The following SLC45A4 variants were observed in gnomAD, a reference collection of about 807,000 sequenced individuals.
SLC45A4 encodes polyamine-transporter SLC45A4.
A neutral mutation model predicts 63.7 loss-of-function variants in SLC45A4; 32 were observed. The ratio of observed to expected loss-of-function variants is 0.50; its 90% CI spans 0.38 to 0.67. The LOEUF (loss-of-function observed/expected upper bound fraction) is 0.67. Ranked by LOEUF, SLC45A4 falls within the 30% of genes least tolerant of loss-of-function variation. SLC45A4 has a pLI of 0.00. For missense variants in SLC45A4, 1,027 were observed against 1,157.7 expected, an observed-to-expected ratio of 0.89 and a Z score of 1.64; for synonymous variants, 535 against 510.0, an observed-to-expected ratio of 1.05 and a Z score of -0.66.
intron 3 of SLC45A4, 55 bp from the exon 4 acceptor site, chr8:141,219,884 C>T: frequency 1.4e-6 from 2 of 1,461,972 alleles, no homozygotes; most frequent in Non-Finnish European, 1.8e-6. Flanking sequence ...CCAGGGTGGG[C>T]CTGATAGCAA....
In SLC45A4 at chr8:141,253,222, T is replaced by G. The variant is rs541281432; in HGVS notation, c.241+767A>C. 1.2e-4 allele frequency: 18 copies of G among 155,512 alleles called. 1 individual carries two copies. Among genetic ancestry groups the G allele is most frequent in the African/African-American group, 4.2e-4 (17 of 40,500 alleles). 9.6% of individuals were successfully genotyped at this position (155,512 alleles called of 1,614,324 possible). On this transcript the variant is annotated intron_variant, in intron 2 of 8. Coordinates refer to ENST00000517878, the MANE Select transcript of SLC45A4 (RefSeq NM_001286646.2). ...TTCCGTGTTTTCATGCCCACCTGCG[T>G]GTCTGTGAATTTCCGTGTTTTCATG...
intron 6 of SLC45A4, 37 bp downstream of exon 6, chr8:141,217,052 TG>T (rs1826196694): frequency 6.3e-7 from 1 of 1,596,260 alleles, no homozygotes. Flanking sequence ...CTGAGTTTTC[TG>T]GGGTGCGAGT....
At chr8:141,242,434 A>G (rs974926275) in intron 2 of SLC45A4, among the ~76,000 whole-genome samples, 3 of 152,218 alleles carry the variant, frequency 2.0e-5, no homozygotes, top group African/African-American at 7.2e-5. Context: ...TTGTTTTCCC[A>G]CAGAGGATGT....
rs368724514 is a variant in SLC45A4, at chr8:141,237,279, C to T, written c.242-15514G>A. 2.0e-3 allele frequency among the ~76,000 whole-genome samples: 310 copies of T among 152,260 alleles called. 1 individual carries two copies. The highest frequency in any genetic ancestry group is 7.1e-3 in the African/African-American group (296 of 41,558). The stretch of plus-strand genomic sequence containing the variant: ...ACGTAAGGCCTCCTGTGATGTCGTC[C>T]TTCCCTGCCTGAAACACCACTCTGC... On this transcript the variant is annotated intron_variant, in intron 2 of 8. Coordinates refer to ENST00000517878, the MANE Select transcript of SLC45A4 (RefSeq NM_001286646.2).
At chr8:141,290,561 C>T (rs1830308232) in intron 1 of SLC45A4, among the ~76,000 whole-genome samples, 1 of 152,336 alleles carries the variant, frequency 6.6e-6, no homozygotes, top group Non-Finnish European at 1.5e-5. Context: ...TCTGCAAATT[C>T]GGCCAGTTTC....
Position 141,306,208 on chromosome 8 carries a change from A to G in SLC45A4, c.-401+1888T>C, listed in dbSNP as rs4961358. On this transcript the variant is annotated intron_variant, in intron 1 of 8. Transcript: ENST00000517878. Reference sequence around the variant, plus strand: ...GGAGGTGGCCCTGGGCAGCCTCCCCACTCCCCGCCCTGTGAACACCTGGGC... The same window carrying G: ...GGAGGTGGCCCTGGGCAGCCTCCCCGCTCCCCGCCCTGTGAACACCTGGGC... Among the ~76,000 whole-genome samples the G allele has an allele frequency of 2.5e-3, 387 of 152,296 alleles. 15 individuals are homozygous for G. The highest frequency in any genetic ancestry group is 0.025 in the Admixed American group (385 of 15,300).
intron 2 of SLC45A4, among the ~76,000 whole-genome samples, chr8:141,242,761 C>A (rs1447988848): frequency 2.6e-5 from 4 of 152,166 alleles, no homozygotes; most frequent in Non-Finnish European, 4.4e-5. Context: ...TCCACGAGCA[C>A]CTCAATGCAC....
rs1000899674 is a variant in SLC45A4, at chr8:141,278,603, C to A, written c.-400-23974G>T. The stretch of plus-strand genomic sequence containing the variant: ...CAGCCGAAGGAGAGACAGGCCTCTG[C>A]CCCCTAGCCACCAGCAGCTGAGTGC... On this transcript the variant is annotated intron_variant, in intron 1 of 8. Transcript: ENST00000517878. This position sits in a 1 kb window ranked among gnomAD's most constrained non-coding sequence, Gnocchi z 4.1. 6.6e-6 allele frequency among the ~76,000 whole-genome samples: 1 copy of A among 152,230 alleles called. No homozygotes were observed. Among genetic ancestry groups the A allele is most frequent in the African/African-American group, 2.4e-5 (1 of 41,468 alleles).
At chr8:141,243,620 G>A (rs1256474790) in intron 2 of SLC45A4, among the ~76,000 whole-genome samples, 1 of 152,092 alleles carries the variant, frequency 6.6e-6, no homozygotes, top group Non-Finnish European at 1.5e-5. Context: ...GCTCCAGCCT[G>A]GGCGACAGAG....
rs534880073 is a variant in SLC45A4, at chr8:141,247,882, A to G, written c.241+6107T>C. The stretch of plus-strand genomic sequence containing the variant: ...GCCAGTAAATGCCAACAGAGGTGCC[A>G]TGGATTTCAATGGGAAAGGACAGGC... On this transcript the variant is annotated intron_variant, in intron 2 of 8. Coordinates refer to ENST00000517878, the MANE Select transcript of SLC45A4 (RefSeq NM_001286646.2). Among the ~76,000 whole-genome samples, 72 of 152,376 alleles carry G rather than the reference A, an allele frequency of 4.7e-4. 1 individual carries two copies. The South Asian group carries it at 0.014, about 31-fold the overall frequency.
chr8:141,265,423 T>A (rs1480723262), intron 1 of SLC45A4, among the ~76,000 whole-genome samples: 3 of 152,200 alleles, frequency 2.0e-5, no homozygotes, highest in Non-Finnish European at 2.9e-5. Context: ...GCGGGGCGTG[T>A]TCTCACACTG....
intron 2 of SLC45A4, among the ~76,000 whole-genome samples, chr8:141,230,926 G>C (rs1386182408): frequency 1.3e-5 from 2 of 152,218 alleles, no homozygotes; most frequent in African/African-American, 2.4e-5. Context: ...GAATGCGGAT[G>C]CTGGGGCAGA....
intron 1 of SLC45A4, among the ~76,000 whole-genome samples, chr8:141,304,094 C>A (rs9650574): frequency 0.043 from 6,478 of 152,196 alleles, 189 homozygotes; most frequent in Middle Eastern, 0.085. Context: ...TGGGATGACC[C>A]TCAAAATAAT....
At chr8:141,259,522 A>ATGCATCTCCTCTTGCATCTCCTCCCG (rs1245390138) in intron 1 of SLC45A4, among the ~76,000 whole-genome samples, 4 of 151,934 alleles carry the variant, frequency 2.6e-5, no homozygotes. Flanking sequence ...TGCCCTTCCC[A>ATGCATCTCCTCTTGCATCTCCTCCCG]TGCATCTCCT....
intron 2 of SLC45A4, among the ~76,000 whole-genome samples, chr8:141,245,523 C>T (rs897235567): frequency 5.3e-5 from 8 of 152,200 alleles, no homozygotes; most frequent in South Asian, 2.1e-4. Context: ...AGGGCTGACC[C>T]GGGGGGCAGC....
At position 141,291,984 on chromosome 8, in the gene SLC45A4, T is replaced by C. The variant is rs575272557; in HGVS notation, c.-401+16112A>G. ...CGGCTGGGACACTACCGCTCAACCCTCAGATTCTGGGGTCTGGCCACCGCG... is the reference window on the plus strand; with the variant it reads ...CGGCTGGGACACTACCGCTCAACCCCCAGATTCTGGGGTCTGGCCACCGCG... On this transcript the variant is annotated intron_variant, in intron 1 of 8. Transcript: ENST00000517878. Among the ~76,000 whole-genome samples, 533 of 152,332 alleles carry C rather than the reference T, an allele frequency of 3.5e-3. 3 individuals carry two copies. The highest frequency in any genetic ancestry group is 0.012 in the African/African-American group (508 of 41,572).
intron 1 of SLC45A4, among the ~76,000 whole-genome samples, chr8:141,301,760 A>AAAAAAAAAAAAAAAAAAC: frequency 1.6e-5 from 2 of 125,894 alleles, no homozygotes; most frequent in Non-Finnish European, 1.7e-5. Flanking sequence ...AAAAAAAAAA[A>AAAAAAAAAAAAAAAAAAC]AATCCTGGGC....
chr8:141,249,864 C>T lies in SLC45A4; in HGVS notation c.241+4125G>A, dbSNP rs78064749. Among the ~76,000 whole-genome samples, 490 of 152,302 alleles carry T rather than the reference C, an allele frequency of 3.2e-3. 1 individual carries two copies. Among genetic ancestry groups the T allele is most frequent in the African/African-American group, 9.9e-3 (411 of 41,550 alleles). On this transcript the variant is annotated intron_variant, in intron 2 of 8. Transcript: ENST00000517878. ...TTGTTGTCTGGACTCAATCTAAGCACGTCTAAGAACAAACTCATTAAAGCC... is the reference window on the plus strand; with the variant it reads ...TTGTTGTCTGGACTCAATCTAAGCATGTCTAAGAACAAACTCATTAAAGCC...
chr8:141,217,085 C>T lies in SLC45A4; in HGVS notation c.1729+5G>A. On this transcript the variant is annotated splice_donor_5th_base_variant and intron_variant, in intron 6 of 8. Transcript: ENST00000517878. ...GAGTGCTGACCTGACTTGGGGAGCT[C>T]TTACCTGAACAAATAGCACCAGTGG... 6.2e-7 allele frequency: 1 copy of T among 1,613,762 alleles called. No individual in the cohort carries two copies. The highest frequency in any genetic ancestry group is 1.7e-5 in the Admixed American group (1 of 60,006).
Sources: allele counts gnomAD v4.1 joint callset (sites outside exome capture counted in the v4.1 genomes callset), GRCh38; gene constraint gnomAD v4.1.1; non-coding constraint Gnocchi (gnomAD v3.1); transcripts MANE v1.5; gene names NCBI Gene and HGNC (gene_info 2026-07-23, HGNC 2026-07-21).